Variants in UBE2H observed in about 807,000 individuals in gnomAD.
UBE2H encodes ubiquitin-conjugating enzyme E2 H.
In UBE2H, 3 loss-of-function variants were observed where a neutral mutation model predicts 29.0. That is an observed-to-expected ratio of 0.10 (90% confidence interval 0.05 to 0.27). The LOEUF (loss-of-function observed/expected upper bound fraction) is 0.27, where lower values mean the gene tolerates loss of function less well. Ranked by LOEUF, UBE2H falls within the 10% of genes least tolerant of loss-of-function variation. The pLI, the probability that UBE2H is intolerant of heterozygous loss-of-function variation, is 1.00. For missense variants in UBE2H, 68 were observed against 228.2 expected (o/e 0.30, Z 4.52); for synonymous variants, 69 against 82.9 (o/e 0.83, Z 0.91).
intron 1 of UBE2H, among the ~76,000 whole-genome samples, chr7:129,934,933 A>G (rs200964277): frequency 5.6e-4 from 3 of 5,392 alleles, no homozygotes; most frequent in Non-Finnish European, 1.4e-3. Flanking sequence ...ATATATGTGT[A>G]TATATATATA....
chr7:129,905,036 C>T (rs1382923592), intron 1 of UBE2H, among the ~76,000 whole-genome samples: 2 of 147,300 alleles, frequency 1.4e-5, no homozygotes, highest in Non-Finnish European at 3.0e-5. Flanking sequence ...GAGTTCAACT[C>T]GAGATCAACA....
At chr7:129,909,516 T>G (rs1806886917) in intron 1 of UBE2H, among the ~76,000 whole-genome samples, 1 of 152,060 alleles carries the variant, frequency 6.6e-6, no homozygotes, top group Non-Finnish European at 1.5e-5. Context: ...GTCTTTTCCT[T>G]TTGCTTCTAA....
intron 1 of UBE2H, among the ~76,000 whole-genome samples, chr7:129,894,305 T>A (rs1238518174): frequency 6.6e-6 from 1 of 151,856 alleles, no homozygotes; most frequent in African/African-American, 2.4e-5. Flanking sequence ...AATAAAAAAA[T>A]TAGCTGGGCA....
chr7:129,883,806 T>C (rs989084754), intron 1 of UBE2H, among the ~76,000 whole-genome samples: 9 of 152,028 alleles, frequency 5.9e-5, no homozygotes, highest in Non-Finnish European at 1.0e-4. Flanking sequence ...TGCACCACTG[T>C]ACTCCAGCCT....
At chr7:129,870,209 C>T (rs1806000874) in intron 3 of UBE2H, among the ~76,000 whole-genome samples, 1 of 152,156 alleles carries the variant, frequency 6.6e-6, no homozygotes, top group Non-Finnish European at 1.5e-5. Context: ...CCTTCCTTCT[C>T]GATGGTGGTG....
intron 1 of UBE2H, among the ~76,000 whole-genome samples, chr7:129,950,689 G>A (rs1807856440): frequency 6.6e-6 from 1 of 152,190 alleles, no homozygotes. Flanking sequence ...AGGTGTGACA[G>A]TAACTCTCAA....
At chr7:129,946,646 ATTTGTTT>A (rs1244881425) in intron 1 of UBE2H, among the ~76,000 whole-genome samples, 2 of 152,000 alleles carry the variant, frequency 1.3e-5, no homozygotes, top group Non-Finnish European at 2.9e-5. Context: ...CCAGGTGATT[ATTTGTTT>A]TTTGTTTTTT....
chr7:129,856,165 A>C (rs1805701493), intron 5 of UBE2H, among the ~76,000 whole-genome samples: 2 of 152,300 alleles, frequency 1.3e-5, no homozygotes, highest in South Asian at 2.1e-4. Flanking sequence ...ATTCTCATTT[A>C]CCAATCTAGT....
intron 1 of UBE2H, among the ~76,000 whole-genome samples, chr7:129,917,648 C>T (rs1807071116): frequency 6.6e-6 from 1 of 152,078 alleles, no homozygotes; most frequent in South Asian, 2.1e-4. Flanking sequence ...AAATCCTGAA[C>T]TAATAAAAAG....
chr7:129,861,523 C>T (rs1432352830), intron 3 of UBE2H, among the ~76,000 whole-genome samples: 2 of 152,124 alleles, frequency 1.3e-5, no homozygotes, highest in Non-Finnish European at 2.9e-5. Context: ...TTTCTACTTG[C>T]ACTTTTGGCT....
At chr7:129,859,050 T>C in intron 3 of UBE2H, 109 bp from the exon 4 acceptor site, 2 of 831,698 alleles carry the variant, frequency 2.4e-6, no homozygotes, top group Middle Eastern at 3.5e-4. Flanking sequence ...TACTTATAAA[T>C]CACTACTTTC....
At chr7:129,872,007 C>T (rs754183015) in intron 3 of UBE2H, among the ~76,000 whole-genome samples, 1 of 152,050 alleles carries the variant, frequency 6.6e-6, no homozygotes. Flanking sequence ...CCACCATGCC[C>T]GGCTACTTTT....
Position 129,945,778 on chromosome 7 carries a change from T to C in UBE2H, c.53+6725A>G, listed in dbSNP as rs866681874. On this transcript the variant is annotated intron_variant, in intron 1 of 6. Coordinates refer to ENST00000355621, the MANE Select transcript of UBE2H (RefSeq NM_003344.4). The stretch of plus-strand genomic sequence containing the variant: ...TTTTTGAGACTGAGTTTCGCTCTTG[T>C]TGCCTAGGCTGGAGTGCAATGGCGC... Among the ~76,000 whole-genome samples, 3 of 152,254 alleles carry C rather than the reference T, an allele frequency of 2.0e-5. No homozygotes were observed. In the South Asian group the frequency reaches 6.2e-4, roughly 32 times the overall value.
intron 1 of UBE2H, among the ~76,000 whole-genome samples, chr7:129,937,333 CA>C (rs1485721676): frequency 6.7e-6 from 1 of 149,808 alleles, no homozygotes; most frequent in Non-Finnish European, 1.5e-5. Flanking sequence ...CATCTCAAAA[CA>C]AAAAAAAGAA....
chr7:129,885,700 C>CT (rs1221918218), intron 1 of UBE2H, among the ~76,000 whole-genome samples: 1 of 152,128 alleles, frequency 6.6e-6, no homozygotes, highest in Non-Finnish European at 1.5e-5. Context: ...TGAACTAAAC[C>CT]TTTAAAACTT....
At chr7:129,894,850 G>C (rs1345430939) in intron 1 of UBE2H, among the ~76,000 whole-genome samples, 1 of 151,776 alleles carries the variant, frequency 6.6e-6, no homozygotes, top group African/African-American at 2.4e-5. Context: ...TCTATGGAAA[G>C]ATTGACACTC....
intron 3 of UBE2H, among the ~76,000 whole-genome samples, chr7:129,874,913 CA>C (rs1806116755): frequency 1.3e-5 from 2 of 152,072 alleles, no homozygotes; most frequent in Non-Finnish European, 2.9e-5. Flanking sequence ...GGAAGGAAAA[CA>C]GTGTGTGCAC....
chr7:129,876,264 A>C (rs763426283), intron 3 of UBE2H, among the ~76,000 whole-genome samples: 2 of 152,168 alleles, frequency 1.3e-5, no homozygotes, highest in Non-Finnish European at 2.9e-5. Flanking sequence ...TCAGCTGCAT[A>C]TCTCTCTCAT....
At chr7:129,893,584 G>A (rs541538566) in intron 1 of UBE2H, among the ~76,000 whole-genome samples, 20 of 152,244 alleles carry the variant, frequency 1.3e-4, no homozygotes, top group Non-Finnish European at 2.8e-4. Flanking sequence ...CATCTTGAGA[G>A]CAAGGAAATA....
Sources: allele counts gnomAD v4.1 joint callset (sites outside exome capture counted in the v4.1 genomes callset), GRCh38; gene constraint gnomAD v4.1.1; transcripts MANE v1.5; gene names NCBI Gene and HGNC (gene_info 2026-07-23, HGNC 2026-07-21).